Variants in ZNF48 observed in about 807,000 individuals in gnomAD.
ZNF48 encodes zinc finger protein 553.
ZNF48 carries 20 observed loss-of-function variants against 40.0 expected under a neutral mutation model. The ratio of observed to expected loss-of-function variants is 0.50; its 90% CI spans 0.35 to 0.73. The LOEUF (loss-of-function observed/expected upper bound fraction) is 0.73. ZNF48 is among the 30% of genes least tolerant of loss of function. The pLI, the probability that ZNF48 is intolerant of heterozygous loss-of-function variation, is 0.01. For synonymous variants in ZNF48, 298 were observed against 329.7 expected (o/e 0.90, Z 1.04); for missense variants, 726 against 851.9 (o/e 0.85, Z 1.84).
At chr16:30,379,562 A>G in intron 1 of ZNF48, 1 of 1,549,398 alleles carries the variant, frequency 6.5e-7, no homozygotes, top group Non-Finnish European at 8.9e-7. Context: ...GGGGTTCACC[A>G]TTGGCTCACA....
chr16:30,379,640 CTTTTTTTTTTTTTT>C, intron 1 of ZNF48: 2 of 236,242 alleles, frequency 8.5e-6, no homozygotes, highest in Non-Finnish European at 7.5e-6. Flanking sequence ...GCCCCTTCCT[CTTTTTTTTTTTTTT>C]TTTTTTTTTT....
chr16:30,399,230 GATAGAA>G lies in ZNF48; in HGVS notation c.*128_*133del, dbSNP rs1447992594. Reference sequence around the variant, plus strand: ...AAGGGAAGAAAGGGGAGGAAGAATAGATAGAAATAGGGATTGGAGACAGTAACCTTG... The same window carrying G: ...AAGGGAAGAAAGGGGAGGAAGAATAGATAGGGATTGGAGACAGTAACCTTG... On this transcript the variant is annotated 3_prime_UTR_variant, in exon 3 of 3. Coordinates refer to ENST00000613509, the MANE Select transcript of ZNF48 (RefSeq NM_001214909.2). 8.3e-6 allele frequency: 8 copies of G among 961,352 alleles called. No individual in the cohort carries two copies. In the Admixed American group the frequency reaches 8.7e-5, roughly 11 times the overall value. The allele number at this position is 961,352 out of a possible 1,614,324, so 59.6% of individuals were successfully genotyped here.
intron 1 of ZNF48, among the ~76,000 whole-genome samples, chr16:30,387,517 C>T (rs540835593): frequency 2.0e-5 from 3 of 148,168 alleles, no homozygotes; most frequent in Non-Finnish European, 3.0e-5. Context: ...ATCGCACCAT[C>T]GCACTCCAGC....
exon 1 of ZNF48, chr16:30,378,357 G>T: frequency 7.4e-7 from 1 of 1,357,752 alleles, no homozygotes; most frequent in Non-Finnish European, 9.9e-7. Context: ...GGGGGGCGCT[G>T]GGCAGTGTGG....
In ZNF48 at chr16:30,399,721, C is replaced by T. The variant is rs1320411869; in HGVS notation, c.*614C>T. 1.3e-5 allele frequency: 2 copies of T among 152,648 alleles called. No homozygotes were observed. The highest frequency in any genetic ancestry group is 4.8e-5 in the African/African-American group (2 of 41,472). 9.5% of individuals were successfully genotyped at this position (152,648 alleles called of 1,614,324 possible). On this transcript the variant is annotated 3_prime_UTR_variant, in exon 3 of 3. Transcript: ENST00000613509. Reference sequence around the variant, plus strand: ...TACTGCTGTGTGGCATGGTGGTACCCACCCCTATGGAGGGGCACTCTTGGA... The same window carrying T: ...TACTGCTGTGTGGCATGGTGGTACCTACCCCTATGGAGGGGCACTCTTGGA...
intron 1 of ZNF48, chr16:30,379,228 G>A (rs1249431727): frequency 1.2e-6 from 2 of 1,608,134 alleles, no homozygotes; most frequent in African/African-American, 2.7e-5. Flanking sequence ...GGGAGTTTCG[G>A]GTCCAACCCA....
chr16:30,381,237 G>T lies in ZNF48; in HGVS notation c.-16+2827G>T, dbSNP rs2049843119. The T allele has an allele frequency of 2.5e-6, 4 of 1,614,018 alleles. No homozygotes were observed. The East Asian group carries it at 8.9e-5, about 36-fold the overall frequency. On this transcript the variant is annotated intron_variant, in intron 1 of 2. Coordinates refer to the ZNF48 transcript ENST00000528032. This position sits in a 1 kb window ranked among gnomAD's most constrained non-coding sequence, Gnocchi z 4.3. ...GCCCGGAGGAAGGCCACATCTAGGG[G>T]CCGGAGCCTGCACCCAGGGATTGGT...
chr16:30,381,738 T>C lies in ZNF48; in HGVS notation c.-16+3328T>C. On this transcript the variant is annotated intron_variant, in intron 1 of 2. Coordinates refer to the ZNF48 transcript ENST00000528032. The surrounding 1 kb of genome is among the most constrained non-coding windows in gnomAD (Gnocchi z 4.3). ...TCGCCACTGTGAAAGGCTGAGCCTC[T>C]GTCCCCTTTCCTCTTCCTCACCAGT... 6.2e-7 allele frequency: 1 copy of C among 1,613,258 alleles called. No homozygotes were observed.
At chr16:30,389,598 C>A (rs2049926982) in intron 1 of ZNF48, among the ~76,000 whole-genome samples, 1 of 148,540 alleles carries the variant, frequency 6.7e-6, no homozygotes, top group Non-Finnish European at 1.5e-5. Flanking sequence ...AAGGCTCTTG[C>A]TTGGTCATTG....
At chr16:30,379,640 C>CTTTTTTT (rs71149011) in intron 1 of ZNF48, 15,816 of 237,242 alleles carry the variant, frequency 0.067, 2,385 homozygotes, top group African/African-American at 0.11. Flanking sequence ...GCCCCTTCCT[C>CTTTTTTT]TTTTTTTTTT....
In ZNF48 at chr16:30,382,870, G is replaced by A. The variant is rs1283724806; in HGVS notation, c.-16+4460G>A. Reference sequence around the variant, plus strand: ...GCAGGGGAGATGAAGGTTTTGATGAGCTGATTAGAAAACAGTTCCCAGGAC... The same window carrying A: ...GCAGGGGAGATGAAGGTTTTGATGAACTGATTAGAAAACAGTTCCCAGGAC... On this transcript the variant is annotated intron_variant, in intron 1 of 2. Coordinates refer to the ZNF48 transcript ENST00000528032. This position sits in a 1 kb window ranked among gnomAD's most constrained non-coding sequence, Gnocchi z 4.8. 7.8e-7 allele frequency: 1 copy of A among 1,282,366 alleles called. No individual in the cohort carries two copies. Among genetic ancestry groups the A allele is most frequent in the South Asian group, 1.3e-5 (1 of 78,862 alleles). 79.4% of individuals were successfully genotyped at this position (1,282,366 alleles called of 1,614,324 possible).
At position 30,397,252 on chromosome 16, in the gene ZNF48, G is replaced by GTCT. The variant is rs2049993291; in HGVS notation, c.80-75_80-73dup. The GTCT allele has an allele frequency of 6.8e-6, 9 of 1,322,336 alleles. No homozygotes were observed. The highest frequency in any genetic ancestry group is 5.7e-5 in the South Asian group (4 of 70,450). The allele number at this position is 1,322,336 out of a possible 1,614,324, so 81.9% of individuals were successfully genotyped here. ...CCTGTGACCACAGATTGTCAAGGGA[G>GTCT]TCTTCCTGGAGAGGTTGCTGTCAAA... On this transcript the variant is annotated intron_variant, in intron 2 of 2. Transcript: ENST00000613509. The surrounding 1 kb of genome is among the most constrained non-coding windows in gnomAD (Gnocchi z 4.1).
rs754556921 is a variant in ZNF48 at position 30,378,457 on chromosome 16, C to G, written c.-16+47C>G. Reference sequence around the variant, plus strand: ...CCTCAGAGGGCGTCTGACTGCTCGCCCTGGGCCTGGCTCTGCTGCATTTGG... The same window carrying G: ...CCTCAGAGGGCGTCTGACTGCTCGCGCTGGGCCTGGCTCTGCTGCATTTGG... On this transcript the variant is annotated intron_variant, in intron 1 of 2. Coordinates refer to the ZNF48 transcript ENST00000528032. 3.8e-6 allele frequency: 6 copies of G among 1,574,892 alleles called. No individual in the cohort carries two copies. In the African/African-American group the frequency reaches 8.2e-5, roughly 22 times the overall value.
chr16:30,398,227 C>T lies in ZNF48; in HGVS notation c.977C>T (p.Thr326Met), dbSNP rs769484852. The change falls in exon 3 of 3, where the codon ACG (threonine) becomes ATG (methionine). Residue 326 changes from threonine to methionine, a missense_variant. Around this residue, in one of 5 missense-constraint regions of ZNF48, gnomAD observed 378 missense variants for 449.1 expected, o/e 0.84. Coordinates refer to ENST00000613509, the MANE Select transcript of ZNF48 (RefSeq NM_001214909.2). The surrounding 1 kb of genome is among the most constrained non-coding windows in gnomAD (Gnocchi z 6.6). The stretch of plus-strand genomic sequence containing the variant: ...CTGGTGAAGCACCTGCGGGTGCACA[C>T]GGGTGAGAAGCCCTACCTCTGCCCA... The part of the protein sequence containing the change: ...SDLVKHLRVH[T>M]GEKPYLCPEC... 3 of 1,613,650 alleles carry T rather than the reference C, an allele frequency of 1.9e-6. No individual in the cohort carries two copies. Among genetic ancestry groups the T allele is most frequent in the South Asian group, 1.1e-5 (1 of 91,086 alleles).
At chr16:30,385,777 G>T (rs977976387) in intron 1 of ZNF48, among the ~76,000 whole-genome samples, 1 of 151,648 alleles carries the variant, frequency 6.6e-6, no homozygotes, top group South Asian at 2.1e-4. Flanking sequence ...TTCAGACCCT[G>T]ATCAACTCTT....
chr16:30,387,137 G>A (rs2049907180), intron 1 of ZNF48, among the ~76,000 whole-genome samples: 1 of 148,090 alleles, frequency 6.8e-6, no homozygotes, highest in Admixed American at 6.7e-5. Context: ...TAGAGACAGG[G>A]TTTCACCGTG....
rs1186856401 is a variant in ZNF48, at chr16:30,395,622, G to A, written c.-16+44G>A. On this transcript the variant is annotated intron_variant, in intron 1 of 2. Transcript: ENST00000613509. The surrounding 1 kb of genome is among the most constrained non-coding windows in gnomAD (Gnocchi z 5.9). ...CGCTGGGAGGAGCAGCAGGTGCAGG[G>A]GCGGCCGGCGGCGCGGGCAGGGGGC... The A allele has an allele frequency of 3.0e-6, 1 of 328,076 alleles. No homozygotes were observed. Among genetic ancestry groups the A allele is most frequent in the Admixed American group, 5.6e-5 (1 of 17,874 alleles). 20.3% of individuals were successfully genotyped at this position (328,076 alleles called of 1,614,324 possible).
intron 1 of ZNF48, among the ~76,000 whole-genome samples, chr16:30,389,943 C>T (rs898118806): frequency 1.4e-5 from 2 of 143,132 alleles, no homozygotes; most frequent in African/African-American, 5.1e-5. Context: ...CTCACTTCTG[C>T]CTCCCAAGTA....
upstream of ZNF48, among the ~76,000 whole-genome samples, chr16:30,390,601 GTTTTTTTTTTTTTTTTTTTTTTTTTT>G (rs796708706): frequency 1.1e-4 from 6 of 53,356 alleles, no homozygotes; most frequent in Non-Finnish European, 1.7e-4. Flanking sequence ...GTAGAGACGG[GTTTTTTTTTTTTTTTTTTTTTTTTTT>G]TTTTTTTTTT....
Sources: gnomAD v4.1 joint callset for allele counts (sites outside exome capture counted in the v4.1 genomes callset) on GRCh38, gnomAD v4.1.1 for gene constraint, gnomAD v4.1.1 regional missense constraint, Gnocchi (gnomAD v3.1) non-coding constraint, MANE v1.5 for transcripts, NCBI Gene and HGNC (gene_info 2026-07-23, HGNC 2026-07-21) for gene names.